Variants in PPP2R5E observed in about 807,000 individuals in gnomAD.
PPP2R5E encodes the protein serine/threonine-protein phosphatase 2A 56 kDa regulatory subunit epsilon isoform.
In PPP2R5E, 4 loss-of-function variants were observed where a neutral mutation model predicts 65.3. That is an observed-to-expected ratio of 0.06 (90% CI 0.03 to 0.14). The LOEUF is 0.14. PPP2R5E is among the 10% of genes least tolerant of loss of function. The pLI, the probability that PPP2R5E is intolerant of heterozygous loss-of-function variation, is 1.00. For missense variants in PPP2R5E, 274 were observed against 556.1 expected, an observed-to-expected ratio of 0.49 and a Z score of 5.10; for synonymous variants, 183 against 187.4, an observed-to-expected ratio of 0.98 and a Z score of 0.19.
rs77784290 is a variant in PPP2R5E at position 63,481,765 on chromosome 14, G to A, written c.158-27880C>T. 2.3e-3 allele frequency among the ~76,000 whole-genome samples: 345 copies of A among 152,274 alleles called. 1 individual carries two copies. Among genetic ancestry groups the A allele is most frequent in the African/African-American group, 7.9e-3 (328 of 41,558 alleles). ...AATTAACACAGCCTCATGGTCACAA[G>A]ACATTTTAACTTTCTTTATTTTAAA... On this transcript the variant is annotated intron_variant, in intron 2 of 13. Coordinates refer to ENST00000337537, the MANE Select transcript of PPP2R5E (RefSeq NM_006246.5).
In PPP2R5E at chr14:63,376,054, C is replaced by T. The variant is rs1883964588; in HGVS notation, c.1359G>A (p.Leu453=). The part of the protein sequence containing the change: ...REELWKKLED[L]ELKRGLRRDG... ...CACGTCTAAGACCTCTCTTTAACTC[C>T]AGATCCTCCAATTTTTTCCACAATT... The change falls in exon 14 of 14, where the codon CTG becomes CTA. Residue 453 remains leucine (L), a synonymous_variant. Transcript: ENST00000337537. 2 of 1,609,946 alleles carry T rather than the reference C, an allele frequency of 1.2e-6. No individual in the cohort carries two copies. The highest frequency in any genetic ancestry group is 1.7e-6 in the Non-Finnish European group (2 of 1,176,548).
At chr14:63,423,134 A>G (rs942170348) in intron 3 of PPP2R5E, among the ~76,000 whole-genome samples, 5 of 152,196 alleles carry the variant, frequency 3.3e-5, no homozygotes, top group African/African-American at 1.2e-4. Context: ...TCGCTCTGTC[A>G]CCCACGCTGG....
intron 2 of PPP2R5E, among the ~76,000 whole-genome samples, chr14:63,465,907 G>T (rs561511124): frequency 6.6e-6 from 1 of 151,968 alleles, no homozygotes; most frequent in African/African-American, 2.4e-5. Flanking sequence ...CAAGAAAAAA[G>T]ATTATTTTTT....
chr14:63,400,680 G>A (rs1306681412), intron 5 of PPP2R5E, among the ~76,000 whole-genome samples: 11 of 63,512 alleles, frequency 1.7e-4, no homozygotes, highest in African/African-American at 6.2e-4. Context: ...GGAAAGAAAG[G>A]CATGTGGCCC....
chr14:63,448,509 G>C (rs1888633460), intron 3 of PPP2R5E, among the ~76,000 whole-genome samples: 2 of 151,854 alleles, frequency 1.3e-5, no homozygotes, highest in Admixed American at 1.3e-4. Flanking sequence ...CCTTCAATTT[G>C]TTTGGGCACA....
At chr14:63,403,280 T>C (rs1369590013) in intron 5 of PPP2R5E, among the ~76,000 whole-genome samples, 1 of 149,738 alleles carries the variant, frequency 6.7e-6, no homozygotes, top group Non-Finnish European at 1.5e-5. Context: ...ATACAAAAAT[T>C]AGTCTGGCGT....
intron 8 of PPP2R5E, among the ~76,000 whole-genome samples, chr14:63,393,025 C>A (rs776738706): frequency 5.5e-4 from 84 of 152,172 alleles, no homozygotes; most frequent in Non-Finnish European, 8.4e-4. Context: ...TGTGAAAATA[C>A]TGATTGATTT....
At chr14:63,395,474 AG>A in intron 6 of PPP2R5E, among the ~76,000 whole-genome samples, 189 bp from the exon 7 acceptor site, 1 of 4,608 alleles carries the variant, frequency 2.2e-4, no homozygotes, top group Non-Finnish European at 4.0e-4. Context: ...GGGGGAAGAG[AG>A]GAGGAGGAGA....
In PPP2R5E at chr14:63,371,780, A is replaced by T. The variant is rs1408297436; in HGVS notation, c.*4229T>A. 6.6e-6 allele frequency: 1 copy of T among 152,200 alleles called. No individual in the cohort carries two copies. 9.4% of individuals were successfully genotyped at this position (152,200 alleles called of 1,614,324 possible). A position where few individuals can be genotyped will look rare whatever the true frequency, so the allele number is the denominator to read the frequency against. On this transcript the variant is annotated 3_prime_UTR_variant, in exon 14 of 14. Coordinates refer to ENST00000337537, the MANE Select transcript of PPP2R5E (RefSeq NM_006246.5). ...CTAAATTTAAAACCGATCATGAACC[A>T]CAGCATTACTAACAGGGAAAATGAA...
chr14:63,393,783 T>G (rs754783398), intron 8 of PPP2R5E, 37 bp downstream of exon 8: 1 of 1,386,898 alleles, frequency 7.2e-7, no homozygotes, highest in African/African-American at 1.5e-5. Flanking sequence ...AAACTTTTTA[T>G]TTTGCTTCTA....
intron 2 of PPP2R5E, among the ~76,000 whole-genome samples, chr14:63,495,417 C>CAAAAAAAAAA (rs772700927): frequency 1.9e-4 from 18 of 93,238 alleles, no homozygotes; most frequent in African/African-American, 6.3e-4. Context: ...ACTAAAAATA[C>CAAAAAAAAAA]AAAAAAAAAA....
intron 2 of PPP2R5E, chr14:63,479,546 A>G (rs960448416): frequency 2.0e-5 from 3 of 152,210 alleles, no homozygotes; most frequent in Admixed American, 2.0e-4. Flanking sequence ...GTTTGTCTAC[A>G]CTTAGAACAG....
At chr14:63,442,023 T>C (rs1888264869) in intron 3 of PPP2R5E, among the ~76,000 whole-genome samples, 1 of 152,106 alleles carries the variant, frequency 6.6e-6, no homozygotes, top group Admixed American at 6.5e-5. Context: ...ATCAATACTG[T>C]TAAATGAGCT....
chr14:63,404,220 G>A (rs1885937596), intron 5 of PPP2R5E, among the ~76,000 whole-genome samples: 1 of 152,166 alleles, frequency 6.6e-6, no homozygotes, highest in Non-Finnish European at 1.5e-5. Context: ...AAGGTTTCGA[G>A]CAAAACAACC....
At chr14:63,533,662 G>A (rs1392352338) in intron 2 of PPP2R5E, among the ~76,000 whole-genome samples, 14 of 152,090 alleles carry the variant, frequency 9.2e-5, no homozygotes, top group South Asian at 2.1e-4. Flanking sequence ...TAACAATGGC[G>A]GCCGGGCGCG....
At chr14:63,519,864 G>A (rs1045240643) in intron 2 of PPP2R5E, among the ~76,000 whole-genome samples, 100 of 151,846 alleles carry the variant, frequency 6.6e-4, no homozygotes, top group Non-Finnish European at 9.3e-4. Flanking sequence ...GTTTCACCAT[G>A]TTGATCAGGC....
intron 2 of PPP2R5E, among the ~76,000 whole-genome samples, chr14:63,534,138 C>T (rs1341462402): frequency 6.6e-6 from 1 of 152,108 alleles, no homozygotes; most frequent in Non-Finnish European, 1.5e-5. Flanking sequence ...GTGCTACTAC[C>T]ACTGATTATT....
rs752850551 is a variant in PPP2R5E at position 63,453,810 on chromosome 14, T to C, written c.233A>G (p.Asp78Gly). The C allele has an allele frequency of 1.2e-6, 2 of 1,606,660 alleles. No homozygotes were observed. Among genetic ancestry groups the C allele is most frequent in the South Asian group, 2.2e-5 (2 of 89,860 alleles). The change falls in exon 3 of 14, where the codon GAC (aspartate) becomes GGC (glycine). Residue 78 changes from aspartate to glycine, a missense_variant. This residue lies in a region of PPP2R5E where 51 missense variants were observed against 101.1 expected (regional missense o/e 0.50). Coordinates refer to ENST00000337537, the MANE Select transcript of PPP2R5E (RefSeq NM_006246.5). ...TTTCATTTTAAGATCAGATAGCGTG[T>C]CCATGAAGTCAAAAATGACACAGCA... Reference protein sequence around the residue: ...QQCCVIFDFMDTLSDLKMKEY... With the variant: ...QQCCVIFDFMGTLSDLKMKEY...
At position 63,467,222 on chromosome 14, in the gene PPP2R5E, C is replaced by CAAAAAAAAAAAAAA. The variant is rs767892639; in HGVS notation, c.158-13338_158-13337insTTTTTTTTTTTTTT. ...TGGGTGACAGAGCAAGACTCCGTCT[C>CAAAAAAAAAAAAAA]AAAAAAAACAAACAAACAAACAAAA... On this transcript the variant is annotated intron_variant, in intron 2 of 13. Coordinates refer to ENST00000337537, the MANE Select transcript of PPP2R5E (RefSeq NM_006246.5). Among the ~76,000 whole-genome samples the CAAAAAAAAAAAAAA allele has an allele frequency of 2.0e-4, 23 of 114,384 alleles. 5 individuals carry two copies. Among genetic ancestry groups the CAAAAAAAAAAAAAA allele is most frequent in the African/African-American group, 9.3e-4 (21 of 22,472 alleles). The allele number at this position is 114,384 out of a possible 152,430, so 75.0% of individuals were successfully genotyped here.
Sources: gnomAD v4.1 joint callset for allele counts (sites outside exome capture counted in the v4.1 genomes callset) on GRCh38, gnomAD v4.1.1 for gene constraint, gnomAD v4.1.1 regional missense constraint, MANE v1.5 for transcripts, NCBI Gene and HGNC (gene_info 2026-07-23, HGNC 2026-07-21) for gene names.